Variants in PDE3A observed in about 807,000 individuals in gnomAD.
PDE3A encodes phosphodiesterase 3A.
Under a neutral mutation model 98.3 loss-of-function variants are expected in PDE3A, and 43 were observed. That is an observed-to-expected ratio of 0.44 (90% CI 0.34 to 0.56). The LOEUF (loss-of-function observed/expected upper bound fraction) is 0.56, where lower values mean the gene tolerates loss of function less well. Among genes scored for constraint, PDE3A ranks in the 20% least tolerant of loss-of-function variants. PDE3A has a pLI of 0.01. For missense variants in PDE3A, 1,427 were observed against 1,440.7 expected (o/e 0.99, Z 0.15); for synonymous variants, 663 against 567.9 (o/e 1.17, Z -2.38).
chr12:20,390,768 G>A (rs888441187), intron 1 of PDE3A, among the ~76,000 whole-genome samples: 1 of 151,888 alleles, frequency 6.6e-6, no homozygotes, highest in African/African-American at 2.4e-5. Flanking sequence ...CCACAACCAC[G>A]TTAGTTCACC....
intron 2 of PDE3A, among the ~76,000 whole-genome samples, chr12:20,600,160 A>G (rs1354195264): frequency 6.6e-6 from 1 of 152,212 alleles, no homozygotes; most frequent in East Asian, 1.9e-4. Flanking sequence ...TCATGGCAAC[A>G]TGCTGTTGAA....
At chr12:20,467,812 A>G (rs1299849268) in intron 1 of PDE3A, among the ~76,000 whole-genome samples, 1 of 151,460 alleles carries the variant, frequency 6.6e-6, no homozygotes. Flanking sequence ...GCACGCGCCT[A>G]TAATCCCAGC....
intron 15 of PDE3A, among the ~76,000 whole-genome samples, chr12:20,670,321 T>C (rs1945437722): frequency 6.8e-6 from 1 of 147,854 alleles, no homozygotes; most frequent in South Asian, 2.2e-4. Context: ...TACCCAGGAA[T>C]TGAACTCAGC....
At position 20,556,730 on chromosome 12, in the gene PDE3A, C is replaced by T. The variant is rs774642619; in HGVS notation, c.1011+20C>T. 1 of 1,590,736 alleles carries T rather than the reference C, an allele frequency of 6.3e-7. No homozygotes were observed. Among genetic ancestry groups the T allele is most frequent in the Non-Finnish European group, 8.6e-7 (1 of 1,159,264 alleles). On this transcript the variant is annotated intron_variant, in intron 2 of 15. Coordinates refer to ENST00000359062, the MANE Select transcript of PDE3A (RefSeq NM_000921.5). ...TCACAGGTAAGTTTCTTTTCCTTTTCTTTTTCACGTTTCGTTTCGTAACAC... is the reference window on the plus strand; with the variant it reads ...TCACAGGTAAGTTTCTTTTCCTTTTTTTTTTCACGTTTCGTTTCGTAACAC...
At chr12:20,627,145 T>TA (rs66734223) in intron 5 of PDE3A, among the ~76,000 whole-genome samples, 65,164 of 133,890 alleles carry the variant, frequency 0.49, 16,884 homozygotes, top group South Asian at 0.62. Context: ...ATTGTTCTGT[T>TA]AAAAAAAAAA....
intron 15 of PDE3A, among the ~76,000 whole-genome samples, chr12:20,677,597 T>C (rs1294870530): frequency 1.3e-5 from 2 of 152,024 alleles, no homozygotes; most frequent in African/African-American, 4.8e-5. Flanking sequence ...GTAGCTGGGA[T>C]TACAGGTGCC....
chr12:20,524,389 A>G (rs1443788472), intron 1 of PDE3A, among the ~76,000 whole-genome samples: 5 of 152,220 alleles, frequency 3.3e-5, no homozygotes, highest in African/African-American at 1.2e-4. Flanking sequence ...TTCTTAGAAG[A>G]GAGGGGGGAT....
intron 2 of PDE3A, among the ~76,000 whole-genome samples, chr12:20,605,752 T>TAATTTCTC (rs1171490093): frequency 1.3e-5 from 2 of 152,238 alleles, no homozygotes; most frequent in African/African-American, 4.8e-5. Flanking sequence ...GTTATCTAGA[T>TAATTTCTC]AATTTCTCAA....
intron 2 of PDE3A, among the ~76,000 whole-genome samples, chr12:20,612,069 T>A (rs1032231946): frequency 2.0e-5 from 3 of 151,954 alleles, no homozygotes; most frequent in Non-Finnish European, 2.9e-5. Flanking sequence ...AAGCTACTAA[T>A]TGATAGGCTT....
At chr12:20,679,882 TATATATATAATAATATATATATAATATA>T (rs1479115296) in intron 15 of PDE3A, 120 bp from the exon 16 acceptor site, 17 of 111,500 alleles carry the variant, frequency 1.5e-4, no homozygotes, top group Admixed American at 7.9e-4. Flanking sequence ...ATATATATAT[TATATATATAATAATATATATATAATATA>T]ATATAATATA....
chr12:20,577,486 A>G (rs990553152), intron 2 of PDE3A, among the ~76,000 whole-genome samples: 1 of 152,206 alleles, frequency 6.6e-6, no homozygotes, highest in Non-Finnish European at 1.5e-5. Flanking sequence ...ATCAACACAC[A>G]TTAAACTGAA....
chr12:20,382,820 T>A (rs1047255698), intron 1 of PDE3A, among the ~76,000 whole-genome samples: 1 of 152,026 alleles, frequency 6.6e-6, no homozygotes, highest in East Asian at 1.9e-4. Flanking sequence ...TAATACATAT[T>A]CTTGCCCATT....
At chr12:20,584,785 G>A (rs1943151096) in intron 2 of PDE3A, among the ~76,000 whole-genome samples, 1 of 152,070 alleles carries the variant, frequency 6.6e-6, no homozygotes, top group African/African-American at 2.4e-5. Flanking sequence ...TATTCTGAAT[G>A]TCTTCCTTTT....
chr12:20,590,937 C>T (rs761080710), intron 2 of PDE3A, among the ~76,000 whole-genome samples: 1 of 152,186 alleles, frequency 6.6e-6, no homozygotes, highest in Non-Finnish European at 1.5e-5. Flanking sequence ...CTTTGCACGT[C>T]CTAGCTCCCT....
intron 15 of PDE3A, among the ~76,000 whole-genome samples, chr12:20,654,791 C>G (rs1389356452): frequency 6.6e-6 from 1 of 150,450 alleles, no homozygotes; most frequent in Non-Finnish European, 1.5e-5. Flanking sequence ...GGATTACAGG[C>G]GTGAGCCACC....
chr12:20,532,911 C>G (rs1214783094), intron 1 of PDE3A, among the ~76,000 whole-genome samples: 1 of 152,012 alleles, frequency 6.6e-6, no homozygotes, highest in South Asian at 2.1e-4. Flanking sequence ...CTCCTGACCT[C>G]GTGATCCGCC....
At chr12:20,427,821 TCA>T (rs1944626342) in intron 1 of PDE3A, among the ~76,000 whole-genome samples, 1 of 151,936 alleles carries the variant, frequency 6.6e-6, no homozygotes, top group Non-Finnish European at 1.5e-5. Flanking sequence ...TTGGATAGTA[TCA>T]GTTTGTTATA....
At chr12:20,429,956 C>T (rs986396658) in intron 1 of PDE3A, among the ~76,000 whole-genome samples, 5 of 152,044 alleles carry the variant, frequency 3.3e-5, no homozygotes, top group Non-Finnish European at 5.9e-5. Flanking sequence ...TCTGAAATGC[C>T]CCTAAATGTT....
chr12:20,484,676 A>G (rs974686830), intron 1 of PDE3A, among the ~76,000 whole-genome samples: 1 of 152,116 alleles, frequency 6.6e-6, no homozygotes, highest in Non-Finnish European at 1.5e-5. Context: ...ACGTTAGCTC[A>G]TTTAATTTTT....
Sources: allele counts gnomAD v4.1 joint callset (sites outside exome capture counted in the v4.1 genomes callset), GRCh38; gene constraint gnomAD v4.1.1; transcripts MANE v1.5; gene names NCBI Gene and HGNC (gene_info 2026-07-23, HGNC 2026-07-21).